Variants in DDX18 observed in about 807,000 individuals in gnomAD.
The protein encoded by DDX18 is DEAD-box helicase 18.
In DDX18, 23 loss-of-function variants were observed where a neutral mutation model predicts 73.5. That is an observed-to-expected ratio of 0.31 (90% CI 0.23 to 0.44). The LOEUF (loss-of-function observed/expected upper bound fraction) is 0.44, where lower values mean the gene tolerates loss of function less well. Ranked by LOEUF, DDX18 falls within the 20% of genes least tolerant of loss-of-function variation. DDX18 has a pLI of 1.00. For missense variants in DDX18, 753 were observed against 792.9 expected, an observed-to-expected ratio of 0.95 and a Z score of 0.60; for synonymous variants, 268 against 282.7, an observed-to-expected ratio of 0.95 and a Z score of 0.52.
chr2:117,817,736 T>C lies in DDX18; in HGVS notation c.370+8T>C. The C allele has an allele frequency of 6.3e-7, 1 of 1,581,870 alleles. No homozygotes were observed. The highest frequency in any genetic ancestry group is 8.5e-7 in the Non-Finnish European group (1 of 1,169,906). ...TGAATGATGCTGAGCCTGGTAGGTA[T>C]TTATTATCTTTGAACTTCAGCCATT... On this transcript the variant is annotated splice_region_variant and intron_variant, in intron 2 of 13. Coordinates refer to ENST00000263239, the MANE Select transcript of DDX18 (RefSeq NM_006773.4).
Position 117,830,964 on chromosome 2 carries a change from T to A in DDX18, c.*240T>A, listed in dbSNP as rs1458548866. ...GGCAGAGCAAGGAATATCTGGTGTT[T>A]CTTGTGATGATAATATTTTAATTTT... On this transcript the variant is annotated 3_prime_UTR_variant, in exon 14 of 14. Coordinates refer to ENST00000263239, the MANE Select transcript of DDX18 (RefSeq NM_006773.4). 2 of 462,950 alleles carry A rather than the reference T, an allele frequency of 4.3e-6. No individual in the cohort carries two copies. 28.7% of individuals were successfully genotyped at this position (462,950 alleles called of 1,614,324 possible). A position where few individuals can be genotyped will look rare whatever the true frequency, so the allele number is the denominator to read the frequency against.
At chr2:117,825,403 T>A in intron 9 of DDX18, 44 bp from the exon 10 acceptor site, 1 of 1,590,444 alleles carries the variant, frequency 6.3e-7, no homozygotes, top group Non-Finnish European at 8.6e-7. Flanking sequence ...CTGCTAGTCT[T>A]CCTCAAGATT....
rs1679900695 is a variant in DDX18, at chr2:117,824,964, A to G, written c.1231A>G (p.Lys411Glu). The change falls in exon 9 of 14, where the codon AAG becomes GAG. Residue 411 changes from lysine (K) to glutamate (E), a missense_variant. By Grantham distance (56) the Lys-to-Glu change is moderately conservative (BLOSUM62 1). Coordinates refer to ENST00000263239, the MANE Select transcript of DDX18 (RefSeq NM_006773.4). ...EQGYVVCPSE[K>E]RFLLLFTFLK... ...GGGATATGTTGTTTGTCCTTCTGAA[A>G]AGAGATTCCTTCTGCTCTTTACATT... 1 of 1,611,126 alleles carries G rather than the reference A, an allele frequency of 6.2e-7. No homozygotes were observed. The highest frequency in any genetic ancestry group is 1.3e-5 in the African/African-American group (1 of 74,602).
chr2:117,824,539 T>G, intron 7 of DDX18, 30 bp from the exon 8 acceptor site: 1 of 1,347,640 alleles, frequency 7.4e-7, no homozygotes, highest in Non-Finnish European at 9.6e-7. Flanking sequence ...CCTAAAAGAT[T>G]GGGGTTATTT....
intron 8 of DDX18, 46 bp downstream of exon 8, chr2:117,824,754 T>A: frequency 6.8e-7 from 1 of 1,474,092 alleles, no homozygotes; most frequent in Non-Finnish European, 9.0e-7. Context: ...TTACTTGGTG[T>A]TTTTATGTAA....
Position 117,818,588 on chromosome 2 carries a change from T to C in DDX18, c.370+860T>C, listed in dbSNP as rs565333635. Among the ~76,000 whole-genome samples the C allele has an allele frequency of 4.6e-4, 70 of 152,356 alleles. No individual in the cohort carries two copies. The Middle Eastern group carries it at 0.014, about 30-fold the overall frequency. On this transcript the variant is annotated intron_variant, in intron 2 of 13. Transcript: ENST00000263239. Reference sequence around the variant, plus strand: ...CTAAAATTATTGCCTTCACAATTCTTGTTTTGAGTATGCCCCAGGAAGTGG... The same window carrying C: ...CTAAAATTATTGCCTTCACAATTCTCGTTTTGAGTATGCCCCAGGAAGTGG...
chr2:117,829,235 T>G, intron 12 of DDX18, 54 bp from the exon 13 acceptor site: 1 of 1,522,076 alleles, frequency 6.6e-7, no homozygotes. Flanking sequence ...TCTGGTGTTT[T>G]GGAGGTTTTT....
At chr2:117,818,879 C>T (rs935438645) in intron 2 of DDX18, among the ~76,000 whole-genome samples, 1 of 152,078 alleles carries the variant, frequency 6.6e-6, no homozygotes. Context: ...CCATGGAGAC[C>T]AGCTGAAGAT....
At chr2:117,830,029 GA>G (rs1679995112) in intron 13 of DDX18, among the ~76,000 whole-genome samples, 1 of 152,232 alleles carries the variant, frequency 6.6e-6, no homozygotes, top group African/African-American at 2.4e-5. Flanking sequence ...TTCAGAAGAA[GA>G]AACTGAGCAG....
At chr2:117,829,852 A>T (rs1679992050) in intron 13 of DDX18, among the ~76,000 whole-genome samples, 1 of 152,222 alleles carries the variant, frequency 6.6e-6, no homozygotes, top group African/African-American at 2.4e-5. Context: ...TTTGAAGCTA[A>T]AGAGAGGATG....
chr2:117,820,926 T>A (rs1008342611), intron 3 of DDX18, among the ~76,000 whole-genome samples: 1 of 152,196 alleles, frequency 6.6e-6, no homozygotes, highest in African/African-American at 2.4e-5. Context: ...ACCTCCTCTC[T>A]ACCCCTTGTT....
rs267598848 is a variant in DDX18 at position 117,824,972 on chromosome 2, C to T, written c.1239C>T (p.Phe413=). 1 of 1,612,214 alleles carries T rather than the reference C, an allele frequency of 6.2e-7. No homozygotes were observed. Among genetic ancestry groups the T allele is most frequent in the South Asian group, 1.1e-5 (1 of 90,680 alleles). ...TTGTTTGTCCTTCTGAAAAGAGATT[C>T]CTTCTGCTCTTTACATTCCTTAAGA... ...GYVVCPSEKR[F]LLLFTFLKKN... Residue 413 remains phenylalanine, a synonymous_variant, in exon 9 of 14, where the codon TTC becomes TTT. Transcript: ENST00000263239.
rs767240769 is a variant in DDX18, at chr2:117,821,945, G to T, written c.835G>T (p.Val279Leu). 7 of 1,613,908 alleles carry T rather than the reference G, an allele frequency of 4.3e-6. No individual in the cohort carries two copies. The highest frequency in any genetic ancestry group is 1.6e-4 in the Middle Eastern group (1 of 6,084). The change falls in exon 6 of 14, where the codon GTG becomes TTG. Residue 279 changes from valine (V) to leucine (L), a missense_variant. Physicochemically the swap from Val to Leu is conservative, Grantham distance 32 (BLOSUM62 1). Coordinates refer to ENST00000263239, the MANE Select transcript of DDX18 (RefSeq NM_006773.4). ...TCTTAAGGAGCTGATGACTCACCACGTGCATACCTATGGCTTGATAATGGG... is the reference window on the plus strand; with the variant it reads ...TCTTAAGGAGCTGATGACTCACCACTTGCATACCTATGGCTTGATAATGGG... Reference protein sequence around the residue: ...GVLKELMTHHVHTYGLIMGGS... With the variant: ...GVLKELMTHHLHTYGLIMGGS...
Position 117,814,882 on chromosome 2 carries a change from G to A in DDX18, c.85+20G>A, listed in dbSNP as rs1296223815. On this transcript the variant is annotated intron_variant, in intron 1 of 13. Coordinates refer to ENST00000263239, the MANE Select transcript of DDX18 (RefSeq NM_006773.4). ...TTCAGGGTGAGATGCGTTGACTCGC[G>A]GTGGCTCAGAAGACCCACGCGCGAG... 1.5e-5 allele frequency: 24 copies of A among 1,613,868 alleles called. No homozygotes were observed. The highest frequency in any genetic ancestry group is 2.2e-5 in the South Asian group (2 of 91,060).
At position 117,819,785 on chromosome 2, in the gene DDX18, A is replaced by T. The variant is rs1329342720; in HGVS notation, c.507A>T (p.Gly169=). Residue 169 remains glycine (G), a synonymous_variant, in exon 3 of 14, where the codon GGA becomes GGT. Coordinates refer to ENST00000263239, the MANE Select transcript of DDX18 (RefSeq NM_006773.4). ...DESEVPSLPL[G]LTGAFEDTSF... ...GTGAGGTGCCCAGTCTGCCCCTGGG[A>T]CTGACAGGTAACGTCCAGGAAGTTT... 2 of 1,580,842 alleles carry T rather than the reference A, an allele frequency of 1.3e-6. No individual in the cohort carries two copies. The highest frequency in any genetic ancestry group is 2.4e-5 in the South Asian group (2 of 84,432).
chr2:117,817,531 A>T lies in DDX18; in HGVS notation c.173A>T (p.Gln58Leu). The change falls in exon 2 of 14, where the codon CAA becomes CTA. Residue 58 changes from glutamine to leucine, a missense_variant. Around this residue, in one of 3 missense-constraint regions of DDX18, gnomAD observed 345 missense variants for 352.0 expected, o/e 0.98. Coordinates refer to ENST00000263239, the MANE Select transcript of DDX18 (RefSeq NM_006773.4). ...AGTAGAAAGGTTAAAAAATCAAAACAAAAGCCCATGAATGTGGGCTTATCA... is the reference window on the plus strand; with the variant it reads ...AGTAGAAAGGTTAAAAAATCAAAACTAAAGCCCATGAATGTGGGCTTATCA... ...MGSRKVKKSK[Q>L]KPMNVGLSET... 1 of 1,613,936 alleles carries T rather than the reference A, an allele frequency of 6.2e-7. No homozygotes were observed. Among genetic ancestry groups the T allele is most frequent in the Non-Finnish European group, 8.5e-7 (1 of 1,179,918 alleles).
chr2:117,824,969 A>G lies in DDX18; in HGVS notation c.1236A>G (p.Arg412=). The change falls in exon 9 of 14, where the codon AGA becomes AGG. Residue 412 remains arginine, a synonymous_variant. Coordinates refer to ENST00000263239, the MANE Select transcript of DDX18 (RefSeq NM_006773.4). ...QGYVVCPSEK[R]FLLLFTFLKK... ...ATGTTGTTTGTCCTTCTGAAAAGAG[A>G]TTCCTTCTGCTCTTTACATTCCTTA... The G allele has an allele frequency of 8.7e-6, 14 of 1,612,176 alleles. No homozygotes were observed. Among genetic ancestry groups the G allele is most frequent in the Non-Finnish European group, 1.2e-5 (14 of 1,179,526 alleles).
At chr2:117,826,573 C>G in intron 11 of DDX18, 191 bp downstream of exon 11, 3 of 594,440 alleles carry the variant, frequency 5.0e-6, no homozygotes, top group Non-Finnish European at 9.0e-6. Flanking sequence ...CCACATGGCT[C>G]GGCTTTCTAG....
rs112420916 is a variant in DDX18 at position 117,817,669 on chromosome 2, A to G, written c.311A>G (p.Asn104Ser). 2.9e-5 allele frequency: 47 copies of G among 1,607,576 alleles called. No homozygotes were observed. In the African/African-American group the frequency reaches 6.1e-4, roughly 21 times the overall value. ...GGAGAAGCAGCAATGCAGTCTTCCA[A>G]TTCAGAATCAAAAAAGAAAAAGAAG... is the stretch of plus-strand genomic sequence containing the variant. ...TNGEAAMQSS[N>S]SESKKKKKKK... Residue 104 changes from asparagine (N) to serine (S), a missense_variant, in exon 2 of 14, where the codon AAT becomes AGT. Physicochemically the swap from Asn to Ser is conservative, Grantham distance 46. Around this residue, in one of 3 missense-constraint regions of DDX18, gnomAD observed 345 missense variants for 352.0 expected, o/e 0.98. Transcript: ENST00000263239.
Sources: allele counts gnomAD v4.1 joint callset (sites outside exome capture counted in the v4.1 genomes callset), GRCh38; gene constraint gnomAD v4.1.1; regional missense constraint gnomAD v4.1.1; transcripts MANE v1.5; gene names NCBI Gene and HGNC (gene_info 2026-07-23, HGNC 2026-07-21).